CPNE7: variants seen among roughly 807,000 people sequenced by gnomAD.
CPNE7 encodes the protein copine-7.
CPNE7 carries 78 observed loss-of-function variants against 66.5 expected under a neutral mutation model. The ratio of observed to expected loss-of-function variants is 1.17; its 90% confidence interval spans 0.98 to 1.42. CPNE7 has a LOEUF of 1.42. Ranked by LOEUF, CPNE7 falls within the 40% of genes most tolerant of loss-of-function variation. CPNE7 has a pLI of 0.00. For synonymous variants in CPNE7, 468 were observed against 336.7 expected (o/e 1.39, Z -4.27); for missense variants, 1,012 against 776.6 (o/e 1.30, Z -3.60).
Position 89,588,872 on chromosome 16 carries a change from C to T in CPNE7, c.1061+64C>T, listed in dbSNP as rs751451304. On this transcript the variant is annotated intron_variant, in intron 10 of 14. Coordinates refer to ENST00000319518, the MANE Select transcript of CPNE7 (RefSeq NM_153636.3). ...GTCAGCTATGACAGGTGCGCCTGGCCGTCTTCCCCCTCACCCCCCTGGTCT... is the reference window on the plus strand; with the variant it reads ...GTCAGCTATGACAGGTGCGCCTGGCTGTCTTCCCCCTCACCCCCCTGGTCT... 482 of 1,586,278 alleles carry T rather than the reference C, an allele frequency of 3.0e-4. 1 individual carries two copies. The highest frequency in any genetic ancestry group is 4.0e-4 in the Non-Finnish European group (461 of 1,163,290).
chr16:89,579,669 C>CCAT (rs1379441319), intron 2 of CPNE7, among the ~76,000 whole-genome samples: 1 of 151,682 alleles, frequency 6.6e-6, no homozygotes, highest in Non-Finnish European at 1.5e-5. Context: ...ATCCCTTCAC[C>CCAT]CATCACATGG....
chr16:89,583,936 G>T, intron 3 of CPNE7, 92 bp from the exon 4 acceptor site: 1 of 1,521,642 alleles, frequency 6.6e-7, no homozygotes, highest in Non-Finnish European at 9.0e-7. Context: ...AGGCCCCGCT[G>T]GGTGGGGTCA....
chr16:89,590,749 T>A (rs2059153778), intron 11 of CPNE7, among the ~76,000 whole-genome samples: 1 of 95,554 alleles, frequency 1.0e-5, no homozygotes, highest in Non-Finnish European at 2.0e-5. Context: ...GGGGGCCAGG[T>A]CGGGGGAGCA....
chr16:89,591,187 C>G lies in CPNE7; in HGVS notation c.1229C>G (p.Pro410Arg), dbSNP rs925018689. Residue 410 changes from proline (P) to arginine (R), a missense_variant, in exon 13 of 15, where the codon CCC becomes CGC. Transcript: ENST00000319518. ...CTGCCCAGGGTCCAGCTCTACGGCC[C>G]CACCAACGTGGCGCCCATCATCTCC... ...NCLPRVQLYG[P>R]TNVAPIISKV... 4 of 1,601,042 alleles carry G rather than the reference C, an allele frequency of 2.5e-6. No homozygotes were observed. Among genetic ancestry groups the G allele is most frequent in the Non-Finnish European group, 3.4e-6 (4 of 1,174,156 alleles).
intron 7 of CPNE7, 66 bp from the exon 8 acceptor site, chr16:89,586,604 G>A: frequency 7.4e-7 from 1 of 1,354,338 alleles, no homozygotes; most frequent in Non-Finnish European, 1.1e-6. Flanking sequence ...ATGGTCTTGG[G>A]TAGGGTCTCC....
Position 89,596,541 on chromosome 16 carries a change from G to T in CPNE7, c.1597G>T (p.Glu533Ter). 1 of 1,609,934 alleles carries T rather than the reference G, an allele frequency of 6.2e-7. No individual in the cohort carries two copies. Residue 533 changes from glutamate (E) to a stop codon, truncating the protein, a stop_gained, in exon 15 of 15, where the codon GAG (glutamate) becomes TAG (stop). Coordinates refer to ENST00000319518, the MANE Select transcript of CPNE7 (RefSeq NM_153636.3). LOFTEE classifies it low-confidence loss of function (END_TRUNC). Reference protein sequence around the residue: ...VLAEVPKQVVEYYSHRGLPPR... With the variant: ...VLAEVPKQVV ...GGCCGAGGTCCCGAAGCAGGTGGTGGAGTACTACAGCCACAGAGGCCTGCC... is the reference window on the plus strand; with the variant it reads ...GGCCGAGGTCCCGAAGCAGGTGGTGTAGTACTACAGCCACAGAGGCCTGCC...
At position 89,590,876 on chromosome 16, in the gene CPNE7, G is replaced by T. The variant is rs528286302; in HGVS notation, c.1117-131G>T. Reference sequence around the variant, plus strand: ...TCTTTAGTAGGCGGGGGACATGAGGGCGGGGACGGGGGGAGCAGCTGACTG... The same window carrying T: ...TCTTTAGTAGGCGGGGGACATGAGGTCGGGGACGGGGGGAGCAGCTGACTG... On this transcript the variant is annotated intron_variant, in intron 11 of 14. Transcript: ENST00000319518. 11 of 843,258 alleles carry T rather than the reference G, an allele frequency of 1.3e-5. No homozygotes were observed. In the Admixed American group the frequency reaches 2.3e-4, roughly 18 times the overall value. The allele number at this position is 843,258 out of a possible 1,614,324, so 52.2% of individuals were successfully genotyped here.
Position 89,581,686 on chromosome 16 carries a change from C to CCAGG in CPNE7, c.358-2009_358-2006dup, listed in dbSNP as rs544128303. 3.9e-4 allele frequency among the ~76,000 whole-genome samples: 60 copies of CCAGG among 152,294 alleles called. 1 individual carries two copies. The South Asian group carries it at 0.012, about 32-fold the overall frequency. On this transcript the variant is annotated intron_variant, in intron 2 of 14. Coordinates refer to ENST00000319518, the MANE Select transcript of CPNE7 (RefSeq NM_153636.3). ...TTGAGTTGGGTTCTCACTCTGCCGC[C>CCAGG]CAGGCTGGAGTGCAGTGGGACAGTC... is the stretch of plus-strand genomic sequence containing the variant.
intron 3 of CPNE7, 110 bp from the exon 4 acceptor site, chr16:89,583,918 C>G: frequency 2.7e-6 from 4 of 1,467,140 alleles, no homozygotes; most frequent in Non-Finnish European, 3.7e-6. Context: ...ACACAGACAC[C>G]TCCTCTCAGG....
In CPNE7 at chr16:89,577,733, G is replaced by T. The variant is rs746145877; in HGVS notation, c.357+12G>T. 14 of 1,577,054 alleles carry T rather than the reference G, an allele frequency of 8.9e-6. No individual in the cohort carries two copies. The highest frequency in any genetic ancestry group is 1.2e-5 in the Non-Finnish European group (14 of 1,161,912). ...GCACCCTGGGGCAGGTGGGTGCCCC[G>T]TCCCCTCGGAGGGAGGAGGACGGTT... is the stretch of plus-strand genomic sequence containing the variant. On this transcript the variant is annotated intron_variant, in intron 2 of 14. Coordinates refer to ENST00000319518, the MANE Select transcript of CPNE7 (RefSeq NM_153636.3).
In CPNE7 at chr16:89,580,385, TGGAACATCCCATCACCCGTCACAC is replaced by T. The variant is rs1567952991; in HGVS notation, c.357+2682_357+2705del. Among the ~76,000 whole-genome samples the T allele has an allele frequency of 2.5e-5, 2 of 78,714 alleles. 1 individual carries two copies. The highest frequency in any genetic ancestry group is 5.0e-5 in the Non-Finnish European group (2 of 40,206). 51.6% of individuals were successfully genotyped at this position (78,714 alleles called of 152,430 possible). ...ACGGAACATCCCATCACCCGTCACA[TGGAACATCCCATCACCCGTCACAC>T]GGAACATCCCATCACCCATCACACA... On this transcript the variant is annotated intron_variant, in intron 2 of 14. Coordinates refer to ENST00000319518, the MANE Select transcript of CPNE7 (RefSeq NM_153636.3).
chr16:89,595,456 C>A lies in CPNE7; in HGVS notation c.1392C>A (p.Pro464=), dbSNP rs776998057. 55 of 1,612,372 alleles carry A rather than the reference C, an allele frequency of 3.4e-5. No individual in the cohort carries two copies. Among genetic ancestry groups the A allele is most frequent in the Non-Finnish European group, 4.7e-5 (55 of 1,179,720 alleles). ...CCATTGTGCGTGCCTCACGCCTGCC[C>A]ATGTCCATCATCATCGTGGGCGTGG... ...REAIVRASRL[P]MSIIIVGVGN... The change falls in exon 14 of 15, where the codon CCC becomes CCA. Residue 464 remains proline, a synonymous_variant. Coordinates refer to ENST00000319518, the MANE Select transcript of CPNE7 (RefSeq NM_153636.3).
At chr16:89,578,211 C>A (rs2058891541) in intron 2 of CPNE7, among the ~76,000 whole-genome samples, 2 of 151,742 alleles carry the variant, frequency 1.3e-5, no homozygotes, top group Admixed American at 1.3e-4. Context: ...ATTACAGGCA[C>A]CCGCCACCAC....
intron 1 of CPNE7, among the ~76,000 whole-genome samples, chr16:89,576,722 G>C (rs1002597394): frequency 6.6e-6 from 1 of 152,170 alleles, no homozygotes; most frequent in African/African-American, 2.4e-5. Context: ...ACCCCAGTCC[G>C]CGCGGGGCGC....
At chr16:89,580,917 TGGAACATCTCACCCATCACAC>T (rs920478747) in intron 2 of CPNE7, among the ~76,000 whole-genome samples, 5 of 91,600 alleles carry the variant, frequency 5.5e-5, no homozygotes, top group African/African-American at 1.8e-4. Flanking sequence ...ACCCGTCACA[TGGAACATCTCACCCATCACAC>T]GGAACATCCC....
In CPNE7 at chr16:89,575,929, C is replaced by T; in HGVS notation, c.32C>T (p.Ala11Val). MSAGSERGAA[A>V]TPGGLPAPCA... ...GCGGGCTCGGAGCGCGGGGCGGCGG[C>T]AACCCCCGGGGGTTTGCCCGCGCCC... is the stretch of plus-strand genomic sequence containing the variant. The change falls in exon 1 of 15, where the codon GCA becomes GTA. Residue 11 changes from alanine (A) to valine (V), a missense_variant. Physicochemically the swap from Ala to Val is moderately conservative, Grantham distance 64. Transcript: ENST00000319518. The T allele has an allele frequency of 2.4e-6, 3 of 1,268,322 alleles. No individual in the cohort carries two copies. The highest frequency in any genetic ancestry group is 3.0e-6 in the Non-Finnish European group (3 of 1,006,724). 78.6% of individuals were successfully genotyped at this position (1,268,322 alleles called of 1,614,324 possible). A position where few individuals can be genotyped will look rare whatever the true frequency, so the allele number is the denominator to read the frequency against.
intron 11 of CPNE7, among the ~76,000 whole-genome samples, chr16:89,590,227 C>T (rs2059147336): frequency 6.6e-6 from 1 of 152,140 alleles, no homozygotes; most frequent in Non-Finnish European, 1.5e-5. Flanking sequence ...TTGCACATAA[C>T]AATTCAGCTA....
In CPNE7 at chr16:89,585,275, G is replaced by A. The variant is rs569512978; in HGVS notation, c.592-189G>A. Reference sequence around the variant, plus strand: ...CACAGGGCTCGGAAATGTGTCTCCCGGGTCCTCACATGGCTTCGTGCAGGG... The same window carrying A: ...CACAGGGCTCGGAAATGTGTCTCCCAGGTCCTCACATGGCTTCGTGCAGGG... On this transcript the variant is annotated intron_variant, in intron 5 of 14. Coordinates refer to ENST00000319518, the MANE Select transcript of CPNE7 (RefSeq NM_153636.3). Among the ~76,000 whole-genome samples, 5 of 152,280 alleles carry A rather than the reference G, an allele frequency of 3.3e-5. No individual in the cohort carries two copies. In the South Asian group the frequency reaches 1.0e-3, roughly 32 times the overall value.
At chr16:89,576,615 C>T (rs1311740402) in intron 1 of CPNE7, among the ~76,000 whole-genome samples, 1 of 152,214 alleles carries the variant, frequency 6.6e-6, no homozygotes, top group Non-Finnish European at 1.5e-5. Context: ...ACGGGCGCTT[C>T]CTCGGTCACC....
Sources: allele counts gnomAD v4.1 joint callset (sites outside exome capture counted in the v4.1 genomes callset), GRCh38; gene constraint gnomAD v4.1.1; transcripts MANE v1.5; gene names NCBI Gene and HGNC (gene_info 2026-07-23, HGNC 2026-07-21).